The following SPEN variants were observed in gnomAD, a reference collection of about 807,000 sequenced individuals.
SPEN encodes the protein spen family transcriptional repressor.
SPEN carries 18 observed loss-of-function variants against 269.9 expected under a neutral mutation model. The ratio of observed to expected loss-of-function variants is 0.07; its 90% confidence interval spans 0.05 to 0.10. The LOEUF is 0.10. Ranked by LOEUF, SPEN falls within the 10% of genes least tolerant of loss-of-function variation. The pLI is 1.00. For synonymous variants in SPEN, 1,726 were observed against 1,765.7 expected, an observed-to-expected ratio of 0.98 and a Z score of 0.56; for missense variants, 3,822 against 4,631.2, an observed-to-expected ratio of 0.83 and a Z score of 5.07.
In SPEN at chr1:15,934,994, G is replaced by C. The variant is rs201854272; in HGVS notation, c.8754G>C (p.Ser2918=). 1 of 1,613,830 alleles carries C rather than the reference G, an allele frequency of 6.2e-7. No individual in the cohort carries two copies. Among genetic ancestry groups the C allele is most frequent in the Non-Finnish European group, 8.5e-7 (1 of 1,179,984 alleles). The change falls in exon 11 of 15, where the codon TCG becomes TCC. Residue 2918 remains serine, a synonymous_variant. Transcript: ENST00000375759. This position sits in a 1 kb window ranked among gnomAD's most constrained non-coding sequence, Gnocchi z 9.2. ...AGAAGCCCGAGCCCATTCACCTCTC[G>C]GTGTCCACGCCTGTCACCCAGGGAG... is the stretch of plus-strand genomic sequence containing the variant. ...SLEKPEPIHL[S]VSTPVTQGGT...
chr1:15,876,733 A>G, intron 3 of SPEN, 55 bp downstream of exon 3: 3 of 1,275,144 alleles, frequency 2.4e-6, no homozygotes, highest in Non-Finnish European at 2.2e-6. Flanking sequence ...CAAATTCTCA[A>G]CAATCAGTGG....
In SPEN at chr1:15,937,311, C is replaced by T. The variant is rs1255647665; in HGVS notation, c.10175C>T (p.Ala3392Val). The T allele has an allele frequency of 6.2e-7, 1 of 1,613,808 alleles. No individual in the cohort carries two copies. The highest frequency in any genetic ancestry group is 8.5e-7 in the Non-Finnish European group (1 of 1,180,006). Residue 3392 changes from alanine to valine, a missense_variant, in exon 12 of 15, where the codon GCA becomes GTA. Physicochemically the swap from Ala to Val is moderately conservative, Grantham distance 64. Coordinates refer to ENST00000375759, the MANE Select transcript of SPEN (RefSeq NM_015001.3). This position sits in a 1 kb window ranked among gnomAD's most constrained non-coding sequence, Gnocchi z 5.7. ...SSKMPQVSQEAKGTQTGVEQP... is the reference protein window; with the variant it reads ...SSKMPQVSQEVKGTQTGVEQP... ...AAGATGCCTCAAGTGTCCCAGGAGGCAAAGGGGACCCAGACGGGAGTAGAG... is the reference window on the plus strand; with the variant it reads ...AAGATGCCTCAAGTGTCCCAGGAGGTAAAGGGGACCCAGACGGGAGTAGAG...
At chr1:15,886,120 T>G (rs1269573674) in intron 3 of SPEN, among the ~76,000 whole-genome samples, 1 of 152,204 alleles carries the variant, frequency 6.6e-6, no homozygotes, top group Non-Finnish European at 1.5e-5. Flanking sequence ...AAAGTTTTGT[T>G]TTTTTGTTTT....
At chr1:15,890,423 A>G (rs1025211435) in intron 3 of SPEN, among the ~76,000 whole-genome samples, 1 of 150,932 alleles carries the variant, frequency 6.6e-6, no homozygotes, top group African/African-American at 2.4e-5. Flanking sequence ...GTAGAGACTG[A>G]GTTTCACCAT....
chr1:15,892,915 A>G (rs1359917673), intron 3 of SPEN, among the ~76,000 whole-genome samples: 1 of 152,116 alleles, frequency 6.6e-6, no homozygotes, highest in African/African-American at 2.4e-5. Flanking sequence ...GCTGGTCAGC[A>G]TGGCAAAACC....
At position 15,929,278 on chromosome 1, in the gene SPEN, G is replaced by A. The variant is rs745325343; in HGVS notation, c.3038G>A (p.Arg1013His). The change falls in exon 11 of 15, where the codon CGC becomes CAC. Residue 1013 changes from arginine to histidine, a missense_variant. This residue lies in a region of SPEN where 572 missense variants were observed against 582.6 expected (regional missense o/e 0.98). Transcript: ENST00000375759. The surrounding 1 kb of genome is among the most constrained non-coding windows in gnomAD (Gnocchi z 5.8). Reference protein sequence around the residue: ...KKSSPEMEDARVLSKKQPDVS... With the variant: ...KKSSPEMEDAHVLSKKQPDVS... ...AGCAGTCCAGAGATGGAGGATGCTC[G>A]CGTGCTTTCAAAAAAGCAGCCTGAC... 11 of 1,614,180 alleles carry A rather than the reference G, an allele frequency of 6.8e-6. No homozygotes were observed. Among genetic ancestry groups the A allele is most frequent in the Admixed American group, 1.7e-5 (1 of 60,026 alleles).
chr1:15,865,419 TG>T (rs2070494806), intron 1 of SPEN, among the ~76,000 whole-genome samples: 2 of 127,588 alleles, frequency 1.6e-5, no homozygotes, highest in Admixed American at 1.6e-4. Context: ...GGTATATGCC[TG>T]TTTTTTTTTT....
At chr1:15,920,846 GT>G (rs754963038) in intron 8 of SPEN, 23 bp from the exon 9 acceptor site, 4 of 1,486,024 alleles carry the variant, frequency 2.7e-6, no homozygotes, top group Non-Finnish European at 3.7e-6. Flanking sequence ...GCTCTTACTT[GT>G]TTTTTGTTTG....
At chr1:15,925,954 AAC>A (rs1387745350) in intron 10 of SPEN, among the ~76,000 whole-genome samples, 1 of 152,220 alleles carries the variant, frequency 6.6e-6, no homozygotes, top group Non-Finnish European at 1.5e-5. Flanking sequence ...CATGCCTAGT[AAC>A]AGTTATTTAT....
At chr1:15,911,581 T>C (rs977826453) in intron 5 of SPEN, among the ~76,000 whole-genome samples, 1 of 152,146 alleles carries the variant, frequency 6.6e-6, no homozygotes, top group Admixed American at 6.5e-5. Flanking sequence ...CCTTATTGAG[T>C]CCAGCCTTCC....
chr1:15,930,179 T>C lies in SPEN; in HGVS notation c.3939T>C (p.Asp1313=). Residue 1313 remains aspartate, a synonymous_variant, in exon 11 of 15, where the codon GAT becomes GAC. Transcript: ENST00000375759. The surrounding 1 kb of genome is among the most constrained non-coding windows in gnomAD (Gnocchi z 5.3). The stretch of plus-strand genomic sequence containing the variant: ...AGTCTTTAAAATTTAATCCTTATGA[T>C]TCTAGCAGGAGAGAACAGATGGCAG... The part of the protein sequence containing the change: ...REESLKFNPY[D]SSRREQMADM... 6.2e-7 allele frequency: 1 copy of C among 1,614,192 alleles called. No individual in the cohort carries two copies. Among genetic ancestry groups the C allele is most frequent in the Non-Finnish European group, 8.5e-7 (1 of 1,180,036 alleles).
In SPEN at chr1:15,929,651, T is replaced by C; in HGVS notation, c.3411T>C (p.Arg1137=). The C allele has an allele frequency of 6.2e-7, 1 of 1,614,186 alleles. No homozygotes were observed. Among genetic ancestry groups the C allele is most frequent in the Non-Finnish European group, 8.5e-7 (1 of 1,180,028 alleles). The change falls in exon 11 of 15, where the codon CGT becomes CGC. Residue 1137 remains arginine (R), a synonymous_variant. Transcript: ENST00000375759. The surrounding 1 kb of genome is among the most constrained non-coding windows in gnomAD (Gnocchi z 5.8). ...TTAGGAAAAACTATTGCAGTCTTCG[T>C]GATGAAACACCTGAACGTAAATCAG... ...EDVRKNYCSL[R]DETPERKSGQ...
chr1:15,901,929 T>TG (rs1491571836), intron 3 of SPEN, among the ~76,000 whole-genome samples: 1 of 20,404 alleles, frequency 4.9e-5, no homozygotes, highest in Admixed American at 7.5e-4. Flanking sequence ...ATTTATTTAG[T>TG]TTTTTTTTTT....
At chr1:15,919,168 A>G (rs1023364046) in intron 7 of SPEN, 117 bp downstream of exon 7, 3 of 867,186 alleles carry the variant, frequency 3.5e-6, no homozygotes, top group African/African-American at 3.4e-5. Flanking sequence ...ACAGATAACC[A>G]TAAAAGTGAT....
rs1479941778 is a variant in SPEN, at chr1:15,931,429, A to T, written c.5189A>T (p.Tyr1730Phe). The change falls in exon 11 of 15, where the codon TAT (tyrosine) becomes TTT (phenylalanine). Residue 1730 changes from tyrosine to phenylalanine, a missense_variant. Coordinates refer to ENST00000375759, the MANE Select transcript of SPEN (RefSeq NM_015001.3). This position sits in a 1 kb window ranked among gnomAD's most constrained non-coding sequence, Gnocchi z 4.8. ...GGTTCATCAGGTGACCAGCCGCCTT[A>T]TCTGGATGCCAAGCCTCCAACTCCC... The part of the protein sequence containing the change: ...EEGSSGDQPP[Y>F]LDAKPPTPGA... 1 of 1,614,162 alleles carries T rather than the reference A, an allele frequency of 6.2e-7. No homozygotes were observed. Among genetic ancestry groups the T allele is most frequent in the Admixed American group, 1.7e-5 (1 of 60,002 alleles).
At chr1:15,917,544 C>T (rs1570045254) in intron 6 of SPEN, among the ~76,000 whole-genome samples, 1 of 152,172 alleles carries the variant, frequency 6.6e-6, no homozygotes, top group African/African-American at 2.4e-5. Context: ...CGCCCGCCAC[C>T]ATGCCCAGCT....
intron 1 of SPEN, among the ~76,000 whole-genome samples, chr1:15,865,117 T>A (rs1428107509): frequency 6.6e-6 from 1 of 151,866 alleles, no homozygotes; most frequent in African/African-American, 2.4e-5. Flanking sequence ...AGTGGTGAGA[T>A]CTCAGCTTAC....
intron 3 of SPEN, among the ~76,000 whole-genome samples, chr1:15,897,817 G>A (rs529771364): frequency 6.6e-6 from 1 of 152,232 alleles, no homozygotes; most frequent in South Asian, 2.1e-4. Context: ...GCTTTTTAAT[G>A]TATCAACACA....
chr1:15,911,101 A>T lies in SPEN; in HGVS notation c.1043A>T (p.Asp348Val). The T allele has an allele frequency of 6.2e-7, 1 of 1,605,062 alleles. No homozygotes were observed. Among genetic ancestry groups the T allele is most frequent in the Non-Finnish European group, 8.5e-7 (1 of 1,177,470 alleles). The stretch of plus-strand genomic sequence containing the variant: ...AACTTGGTTTTTTTTGGGAATTTAG[A>T]TACAAGCCTTAAAGATGGCCTTTTC... Reference protein sequence around the residue: ...KVQNLPVRSTDTSLKDGLFHE... With the variant: ...KVQNLPVRSTVTSLKDGLFHE... Residue 348 changes from aspartate (D) to valine (V), a missense_variant and splice_region_variant, in exon 5 of 15, where the codon GAT becomes GTT. This residue lies in a region of SPEN where 230 missense variants were observed against 426.1 expected (regional missense o/e 0.54). Coordinates refer to ENST00000375759, the MANE Select transcript of SPEN (RefSeq NM_015001.3).
Sources: gnomAD v4.1 joint callset for allele counts (sites outside exome capture counted in the v4.1 genomes callset) on GRCh38, gnomAD v4.1.1 for gene constraint, gnomAD v4.1.1 regional missense constraint, Gnocchi (gnomAD v3.1) non-coding constraint, MANE v1.5 for transcripts, NCBI Gene and HGNC (gene_info 2026-07-23, HGNC 2026-07-21) for gene names.